SSC5D: variants seen among roughly 807,000 people sequenced by gnomAD.
The protein encoded by SSC5D is soluble scavenger receptor cysteine-rich domain-containing protein SSC5D.
SSC5D carries 106 observed loss-of-function variants against 104.6 expected under a neutral mutation model. The ratio of observed to expected loss-of-function variants is 1.01; its 90% CI spans 0.87 to 1.19. The LOEUF (loss-of-function observed/expected upper bound fraction) is 1.19, where lower values mean the gene tolerates loss of function less well. SSC5D is among the 50% of genes most tolerant of loss of function. SSC5D has a pLI of 0.00. For missense variants in SSC5D, 1,993 were observed against 2,153.8 expected (o/e 0.93, Z 1.48); for synonymous variants, 860 against 883.5 (o/e 0.97, Z 0.47).
At chr19:55,509,392 A>C (rs760094677) in intron 12 of SSC5D, among the ~76,000 whole-genome samples, 1 of 152,154 alleles carries the variant, frequency 6.6e-6, no homozygotes, top group Non-Finnish European at 1.5e-5. Context: ...CCATGAGCCT[A>C]AGGACATGGG....
In SSC5D at chr19:55,497,326, A is replaced by C. The variant is rs182156821; in HGVS notation, c.1388-554A>C. Among the ~76,000 whole-genome samples the C allele has an allele frequency of 5.9e-5, 9 of 152,362 alleles. No homozygotes were observed. In the East Asian group the frequency reaches 1.7e-3, roughly 29 times the overall value. ...CTGGTGGTCTAGTGGTTAGGAAAAT[A>C]AAATCTAAGAAAGAAGAAAAAAACC... is the stretch of plus-strand genomic sequence containing the variant. On this transcript the variant is annotated intron_variant, in intron 8 of 13. Transcript: ENST00000389623.
At chr19:55,512,157 G>A (rs1488064561) in intron 12 of SSC5D, among the ~76,000 whole-genome samples, 3 of 149,958 alleles carry the variant, frequency 2.0e-5, no homozygotes, top group Admixed American at 1.3e-4. Context: ...CCGATATTGC[G>A]CCACTGTACT....
chr19:55,490,820 A>C lies in SSC5D; in HGVS notation c.635A>C (p.Glu212Ala). Residue 212 changes from glutamate (E) to alanine (A), a missense_variant, in exon 6 of 14, where the codon GAG becomes GCG. Physicochemically the swap from Glu to Ala is moderately radical, Grantham distance 107. Transcript: ENST00000389623. ...CCCCACAGGTGCGCCGGACGCCTGG[A>C]GGTCTGGCACGGCGGGCGCTGGGGC... The part of the protein sequence containing the change: ...SGPHRCAGRL[E>A]VWHGGRWGTV... 1 of 1,546,802 alleles carries C rather than the reference A, an allele frequency of 6.5e-7. No homozygotes were observed. The highest frequency in any genetic ancestry group is 8.7e-7 in the Non-Finnish European group (1 of 1,145,536).
chr19:55,493,992 G>GCCCCCC, intron 7 of SSC5D, 80 bp downstream of exon 7: 1 of 284,106 alleles, frequency 3.5e-6, no homozygotes, highest in Non-Finnish European at 7.1e-6. Flanking sequence ...GGGGGCGGGG[G>GCCCCCC]GGTCCCTACG....
chr19:55,517,299 C>T lies in SSC5D; in HGVS notation c.3023C>T (p.Ser1008Phe). The T allele has an allele frequency of 6.5e-7, 1 of 1,549,068 alleles. No individual in the cohort carries two copies. The highest frequency in any genetic ancestry group is 8.7e-7 in the Non-Finnish European group (1 of 1,146,838). Residue 1008 changes from serine to phenylalanine, a missense_variant, in exon 14 of 14, where the codon TCC becomes TTC. Ser to Phe is a radical substitution (Grantham distance 155, BLOSUM62 -2). This residue lies in a region of SSC5D where 423 missense variants were observed against 409.2 expected (regional missense o/e 1.03). Transcript: ENST00000389623. The stretch of plus-strand genomic sequence containing the variant: ...ACCAGGACAGCGCCCCCAACCCCGT[C>T]CCCAGGTCCCTCCGCCTCTCCGGGA... Reference protein sequence around the residue: ...AATRTAPPTPSPGPSASPGPP... With the variant: ...AATRTAPPTPFPGPSASPGPP...
rs953206867 is a variant in SSC5D, at chr19:55,500,749, G to A, written c.2562G>A (p.Gly854=). 3 of 1,551,652 alleles carry A rather than the reference G, an allele frequency of 1.9e-6. No homozygotes were observed. The highest frequency in any genetic ancestry group is 1.4e-5 in the African/African-American group (1 of 73,156). The stretch of plus-strand genomic sequence containing the variant: ...CCTCACTGAGCGACTGCCCCTCGGG[G>A]GCTTGGGGGAAGCACAACTGTGACC... The part of the protein sequence containing the change: ...SEASLSDCPS[G]AWGKHNCDHE... Residue 854 remains glycine (G), a synonymous_variant, in exon 11 of 14, where the codon GGG becomes GGA. Transcript: ENST00000389623. The surrounding 1 kb of genome is among the most constrained non-coding windows in gnomAD (Gnocchi z 4.6).
At position 55,488,456 on chromosome 19, in the gene SSC5D, C is replaced by T; in HGVS notation, c.-134C>T. On this transcript the variant is annotated 5_prime_UTR_variant, in exon 1 of 14. Coordinates refer to ENST00000389623, the MANE Select transcript of SSC5D (RefSeq NM_001144950.2). ...TTCTTCCTCCTGGCAAAGCGTCCAG[C>T]CCTGCCTGCTCCTCCTCGGGCCTGG... 1.4e-6 allele frequency: 1 copy of T among 692,540 alleles called. No individual in the cohort carries two copies. The highest frequency in any genetic ancestry group is 2.5e-6 in the Non-Finnish European group (1 of 407,232). 42.9% of individuals were successfully genotyped at this position (692,540 alleles called of 1,614,324 possible).
intron 4 of SSC5D, 105 bp downstream of exon 4, chr19:55,490,100 G>GC (rs71181774): frequency 0.24 from 112,701 of 465,122 alleles, 13,654 homozygotes; most frequent in South Asian, 0.29. Flanking sequence ...GTGCCCTCCT[G>GC]CCCCCACCGA....
chr19:55,502,511 TTTCA>T (rs1987532514), intron 12 of SSC5D, among the ~76,000 whole-genome samples: 1 of 152,206 alleles, frequency 6.6e-6, no homozygotes, highest in Non-Finnish European at 1.5e-5. Context: ...TGTCTTTTTG[TTTCA>T]TTATCAGTCT....
At chr19:55,502,089 C>T (rs947919036) in intron 12 of SSC5D, among the ~76,000 whole-genome samples, 1 of 152,020 alleles carries the variant, frequency 6.6e-6, no homozygotes, top group Non-Finnish European at 1.5e-5. Flanking sequence ...TTTGTAGAGA[C>T]GGGCTCACTA....
At chr19:55,507,682 A>G (rs923776572) in intron 12 of SSC5D, among the ~76,000 whole-genome samples, 7 of 151,148 alleles carry the variant, frequency 4.6e-5, no homozygotes, top group East Asian at 2.0e-4. Flanking sequence ...AAAAAAAAAA[A>G]AAAAAAGAAA....
At chr19:55,506,487 C>G (rs534042944) in intron 12 of SSC5D, among the ~76,000 whole-genome samples, 2 of 146,418 alleles carry the variant, frequency 1.4e-5, no homozygotes, top group Non-Finnish European at 3.0e-5. Context: ...CTCTGCCTCC[C>G]GGGTTCACAC....
chr19:55,511,110 T>C (rs1218532118), intron 12 of SSC5D, among the ~76,000 whole-genome samples: 1 of 152,210 alleles, frequency 6.6e-6, no homozygotes, highest in Non-Finnish European at 1.5e-5. Flanking sequence ...GGTTTCCTAA[T>C]GGGTATGGAT....
At chr19:55,492,693 C>T (rs1246493581) in intron 6 of SSC5D, 1 of 152,116 alleles carries the variant, frequency 6.6e-6, no homozygotes, top group Non-Finnish European at 1.5e-5. Flanking sequence ...GAGAGGGACT[C>T]CAGAGTCCTC....
chr19:55,491,862 T>C (rs1987153417), intron 6 of SSC5D: 1 of 152,314 alleles, frequency 6.6e-6, no homozygotes, highest in Non-Finnish European at 1.5e-5. Context: ...CCCACCCTGC[T>C]GGACTGCCCG....
At chr19:55,509,101 T>C (rs527535243) in intron 12 of SSC5D, among the ~76,000 whole-genome samples, 2 of 152,292 alleles carry the variant, frequency 1.3e-5, no homozygotes, top group African/African-American at 4.8e-5. Context: ...GTAGATCTGC[T>C]GGGGTCTGGA....
intron 1 of SSC5D, 126 bp from the exon 2 acceptor site, chr19:55,488,872 ATGTGTGTG>A: frequency 1.5e-5 from 2 of 130,600 alleles, no homozygotes; most frequent in East Asian, 1.6e-4. Flanking sequence ...AGCCAAGCCC[ATGTGTGTG>A]TGTGTGTGTG....
chr19:55,489,106 C>G (rs544846360), intron 2 of SSC5D, 74 bp downstream of exon 2: 2 of 952,978 alleles, frequency 2.1e-6, no homozygotes, highest in Non-Finnish European at 2.9e-6. Flanking sequence ...CAGGCCTGGC[C>G]TCACCCCCAC....
chr19:55,504,139 G>A (rs2123448751), intron 12 of SSC5D: 3 of 1,535,690 alleles, frequency 2.0e-6, no homozygotes, highest in East Asian at 2.4e-5. Flanking sequence ...AGCTCCGAGA[G>A]GTGATGCTCC....
Sources: gnomAD v4.1 joint callset for allele counts (sites outside exome capture counted in the v4.1 genomes callset) on GRCh38, gnomAD v4.1.1 for gene constraint, gnomAD v4.1.1 regional missense constraint, Gnocchi (gnomAD v3.1) non-coding constraint, MANE v1.5 for transcripts, NCBI Gene and HGNC (gene_info 2026-07-23, HGNC 2026-07-21) for gene names.